Variants in PPP4R3A observed in about 807,000 individuals in gnomAD.
The protein encoded by PPP4R3A is protein phosphatase 4 regulatory subunit 3A, also known as serine/threonine-protein phosphatase 4 regulatory subunit 3A.
PPP4R3A carries 15 observed loss-of-function variants against 91.7 expected under a neutral mutation model. The observed-to-expected ratio is 0.16, with a 90% confidence interval of 0.11 to 0.25. The LOEUF is 0.25. Ranked by LOEUF, PPP4R3A falls within the 10% of genes least tolerant of loss-of-function variation. PPP4R3A has a pLI of 1.00. For synonymous variants in PPP4R3A, 377 were observed against 348.7 expected (o/e 1.08, Z -0.91); for missense variants, 623 against 998.4 (o/e 0.62, Z 5.07).
At chr14:91,473,516 G>A (rs1470989157) in intron 7 of PPP4R3A, 146 bp from the exon 8 acceptor site, 2 of 842,358 alleles carry the variant, frequency 2.4e-6, no homozygotes, top group African/African-American at 1.7e-5. Context: ...TTATCTGACA[G>A]GACATATGAC....
chr14:91,509,866 C>T lies in PPP4R3A; in HGVS notation c.-219G>A. The T allele has an allele frequency of 1.8e-6, 2 of 1,136,314 alleles. No individual in the cohort carries two copies. Among genetic ancestry groups the T allele is most frequent in the Non-Finnish European group, 2.2e-6 (2 of 929,574 alleles). 70.4% of individuals were successfully genotyped at this position (1,136,314 alleles called of 1,614,324 possible). On this transcript the variant is annotated 5_prime_UTR_variant, in exon 1 of 15. Coordinates refer to ENST00000554943, the MANE Select transcript of PPP4R3A (RefSeq NM_001366432.2). ...TTTCCTCGCCTCCGGCTCCCCGGCG[C>T]TATTGTCCAGGCCTGGCGAGCCCGG...
rs189593966 is a variant in PPP4R3A, at chr14:91,462,046, T to C, written c.2164+3A>G. 7.6e-4 allele frequency: 1,143 copies of C among 1,499,380 alleles called. 5 individuals are homozygous for C. Among genetic ancestry groups the C allele is most frequent in the Non-Finnish European group, 4.8e-4 (538 of 1,125,146 alleles). The allele number at this position is 1,499,380 out of a possible 1,614,324, so 92.9% of individuals were successfully genotyped here. The stretch of plus-strand genomic sequence containing the variant: ...TTCTCTTGCCCATTTTTTTCCAACA[T>C]ACATTTCTTCCTTTCCATGAATTTA... On this transcript the variant is annotated splice_donor_region_variant and intron_variant, in intron 13 of 14. Transcript: ENST00000554943.
At chr14:91,461,057 T>C (rs985961360) in intron 14 of PPP4R3A, among the ~76,000 whole-genome samples, 5 of 152,216 alleles carry the variant, frequency 3.3e-5, no homozygotes, top group Non-Finnish European at 7.3e-5. Flanking sequence ...TGGGTATTAG[T>C]TAGGAACATT....
chr14:91,473,456 A>T (rs1888973935), intron 7 of PPP4R3A, 86 bp from the exon 8 acceptor site: 1 of 1,393,924 alleles, frequency 7.2e-7, no homozygotes, highest in South Asian at 1.4e-5. Context: ...ACAGCATTAT[A>T]CCTAGGCTCT....
chr14:91,496,899 T>TTA (rs1890606517), intron 1 of PPP4R3A, among the ~76,000 whole-genome samples: 1 of 152,212 alleles, frequency 6.6e-6, no homozygotes, highest in African/African-American at 2.4e-5. Context: ...TTGAGCCAAG[T>TTA]TATAAACACT....
chr14:91,501,131 T>C (rs1373479172), intron 1 of PPP4R3A, among the ~76,000 whole-genome samples: 2 of 152,192 alleles, frequency 1.3e-5, no homozygotes, highest in Non-Finnish European at 2.9e-5. Flanking sequence ...TTCCTCTCAC[T>C]GAAGAAACGA....
intron 10 of PPP4R3A, among the ~76,000 whole-genome samples, chr14:91,469,281 A>G (rs1888694324): frequency 6.6e-6 from 1 of 152,204 alleles, no homozygotes; most frequent in Admixed American, 6.5e-5. Context: ...CATTTTTTGA[A>G]TCAATGAAAT....
At chr14:91,461,740 A>C (rs533734539) in intron 13 of PPP4R3A, 133 bp from the exon 14 acceptor site, 13 of 971,756 alleles carry the variant, frequency 1.3e-5, no homozygotes, top group East Asian at 2.6e-5. Flanking sequence ...TTTATAAAAG[A>C]AGCTTACCAA....
chr14:91,484,464 G>T (rs1338041180), intron 3 of PPP4R3A, among the ~76,000 whole-genome samples: 1 of 152,096 alleles, frequency 6.6e-6, no homozygotes, highest in Non-Finnish European at 1.5e-5. Context: ...TTTATGTGCT[G>T]TCTATGACTA....
chr14:91,499,513 G>A (rs1055921034), intron 1 of PPP4R3A, among the ~76,000 whole-genome samples: 11 of 152,046 alleles, frequency 7.2e-5, no homozygotes, highest in African/African-American at 2.2e-4. Flanking sequence ...GGAGAAATGC[G>A]ACTCAGAACA....
At chr14:91,487,083 T>C (rs1567157386) in intron 2 of PPP4R3A, among the ~76,000 whole-genome samples, 1 of 151,206 alleles carries the variant, frequency 6.6e-6, no homozygotes, top group Non-Finnish European at 1.5e-5. Context: ...CCGTCTCTAC[T>C]AAAAATACAA....
chr14:91,503,551 TA>T (rs1252310956), intron 1 of PPP4R3A, among the ~76,000 whole-genome samples: 1 of 152,096 alleles, frequency 6.6e-6, no homozygotes, highest in Non-Finnish European at 1.5e-5. Context: ...GTAAAAATCA[TA>T]ATGGTGAAAA....
chr14:91,461,964 G>A, intron 13 of PPP4R3A, 85 bp downstream of exon 13: 1 of 1,411,902 alleles, frequency 7.1e-7, no homozygotes, highest in Non-Finnish European at 9.2e-7. Flanking sequence ...CACCTTCCAA[G>A]CAAATAATCA....
intron 3 of PPP4R3A, among the ~76,000 whole-genome samples, chr14:91,482,538 T>C (rs1299274050): frequency 1.3e-5 from 2 of 152,080 alleles, no homozygotes; most frequent in Non-Finnish European, 2.9e-5. Flanking sequence ...TAACATCTCA[T>C]ATCCCTGGCC....
intron 10 of PPP4R3A, among the ~76,000 whole-genome samples, chr14:91,469,789 C>T (rs973649607): frequency 2.0e-5 from 3 of 152,062 alleles, no homozygotes; most frequent in African/African-American, 7.2e-5. Flanking sequence ...GCCTAGAACT[C>T]CTGACCTCAG....
At chr14:91,465,220 G>C (rs370892489) in intron 11 of PPP4R3A, 30 bp downstream of exon 11, 27 of 1,429,620 alleles carry the variant, frequency 1.9e-5, no homozygotes, top group African/African-American at 4.4e-5. Context: ...CAATTAAAAT[G>C]AAAATTCTAA....
Position 91,458,367 on chromosome 14 carries a change from T to C in PPP4R3A, c.*392A>G, listed in dbSNP as rs1208023069. On this transcript the variant is annotated 3_prime_UTR_variant, in exon 15 of 15. Transcript: ENST00000554943. ...AGAAACTGCTGGCATTCTTGACTAGTGAAGAATTATGGCAGAAAGGCCCAT... is the reference window on the plus strand; with the variant it reads ...AGAAACTGCTGGCATTCTTGACTAGCGAAGAATTATGGCAGAAAGGCCCAT... 2 of 256,240 alleles carry C rather than the reference T, an allele frequency of 7.8e-6. No homozygotes were observed. The highest frequency in any genetic ancestry group is 2.0e-4 in the East Asian group (2 of 10,154). 15.9% of individuals were successfully genotyped at this position (256,240 alleles called of 1,614,324 possible).
chr14:91,509,399 G>C (rs1166595613), intron 1 of PPP4R3A, 107 bp downstream of exon 1: 1 of 1,476,294 alleles, frequency 6.8e-7, no homozygotes, highest in East Asian at 2.5e-5. Flanking sequence ...GCCCTCCCCA[G>C]CCGTCCCTCT....
chr14:91,507,501 ATATGC>A (rs1489439432), intron 1 of PPP4R3A, among the ~76,000 whole-genome samples: 1 of 139,170 alleles, frequency 7.2e-6, no homozygotes, highest in African/African-American at 2.8e-5. Flanking sequence ...TATATAGAAT[ATATGC>A]TATAATTATA....
Sources: gnomAD v4.1 joint callset for allele counts (sites outside exome capture counted in the v4.1 genomes callset) on GRCh38, gnomAD v4.1.1 for gene constraint, MANE v1.5 for transcripts, NCBI Gene and HGNC (gene_info 2026-07-23, HGNC 2026-07-21) for gene names.